ITGAL: variants seen among roughly 807,000 people sequenced by gnomAD.
ITGAL encodes integrin subunit alpha L, also known as integrin alpha-L.
A neutral mutation model predicts 138.4 loss-of-function variants in ITGAL; 68 were observed. That is an observed-to-expected ratio of 0.49 (90% CI 0.40 to 0.60). The LOEUF is 0.60. Among genes scored for constraint, ITGAL ranks in the 20% least tolerant of loss-of-function variants. The probability of loss-of-function intolerance (pLI) is 0.00; values close to 1 mark genes in which losing one functional copy is unlikely to be tolerated. For synonymous variants in ITGAL, 561 were observed against 584.3 expected (o/e 0.96, Z 0.57); for missense variants, 1,256 against 1,478.6 (o/e 0.85, Z 2.47).
At chr16:30,482,026 G>A (rs1013735350) in intron 7 of ITGAL, among the ~76,000 whole-genome samples, 1 of 152,032 alleles carries the variant, frequency 6.6e-6, no homozygotes, top group Non-Finnish European at 1.5e-5. Flanking sequence ...CAAGTAGCTG[G>A]GATTACAGAC....
chr16:30,518,484 C>A, intron 28 of ITGAL, 140 bp from the exon 29 acceptor site: 1 of 608,292 alleles, frequency 1.6e-6, no homozygotes, highest in Non-Finnish European at 2.9e-6. Context: ...AAGAATGCCA[C>A]AATAGAGAGT....
chr16:30,476,792 C>T (rs948142665), intron 4 of ITGAL, among the ~76,000 whole-genome samples: 10 of 152,038 alleles, frequency 6.6e-5, no homozygotes, highest in African/African-American at 2.2e-4. Flanking sequence ...GCCACCATGC[C>T]TTGGCTAATT....
intron 17 of ITGAL, among the ~76,000 whole-genome samples, chr16:30,499,731 A>T (rs1429574300): frequency 0.012 from 1,187 of 96,618 alleles, 37 homozygotes; most frequent in South Asian, 0.018. Flanking sequence ...ATATATATAT[A>T]TATTTTTTTT....
At position 30,494,412 on chromosome 16, in the gene ITGAL, C is replaced by T; in HGVS notation, c.1365+49C>T. ...GCAGACCAGGGACTGGCGGGACACA[C>T]ATCACACTCCCTTCTGTCCTTTGAA... On this transcript the variant is annotated intron_variant, in intron 12 of 30. Coordinates refer to ENST00000356798, the MANE Select transcript of ITGAL (RefSeq NM_002209.3). This position sits in a 1 kb window ranked among gnomAD's most constrained non-coding sequence, Gnocchi z 4.2. The T allele has an allele frequency of 6.5e-7, 1 of 1,539,370 alleles. No individual in the cohort carries two copies. The highest frequency in any genetic ancestry group is 8.8e-7 in the Non-Finnish European group (1 of 1,133,848).
At position 30,505,320 on chromosome 16, in the gene ITGAL, A is replaced by G; in HGVS notation, c.2292+20A>G. 1 of 1,613,188 alleles carries G rather than the reference A, an allele frequency of 6.2e-7. No homozygotes were observed. Among genetic ancestry groups the G allele is most frequent in the Non-Finnish European group, 8.5e-7 (1 of 1,179,416 alleles). ...TGGGAGGTAAGAGGGGAGAAGGGGCAGGCAGAGAGGCCTGGGAACAAGTCC... is the reference window on the plus strand; with the variant it reads ...TGGGAGGTAAGAGGGGAGAAGGGGCGGGCAGAGAGGCCTGGGAACAAGTCC... On this transcript the variant is annotated intron_variant, in intron 19 of 30. Transcript: ENST00000356798.
intron 11 of ITGAL, among the ~76,000 whole-genome samples, chr16:30,493,597 A>G (rs921857260): frequency 7.2e-5 from 11 of 152,030 alleles, no homozygotes; most frequent in African/African-American, 2.7e-4. Flanking sequence ...TTTATTATTT[A>G]AGAAAAAAGA....
At chr16:30,490,784 A>G (rs1454866287) in intron 11 of ITGAL, among the ~76,000 whole-genome samples, 1 of 152,062 alleles carries the variant, frequency 6.6e-6, no homozygotes, top group Non-Finnish European at 1.5e-5. Context: ...CCTGGCCAAC[A>G]TGGTGAAACC....
At chr16:30,480,450 G>C (rs2050536696) in intron 6 of ITGAL, 1 of 152,098 alleles carries the variant, frequency 6.6e-6, no homozygotes, top group African/African-American at 2.4e-5. Flanking sequence ...GGCTGGCGTA[G>C]CTTCAGTCAG....
At chr16:30,518,744 C>T in intron 29 of ITGAL, 25 bp downstream of exon 29, 1 of 1,543,264 alleles carries the variant, frequency 6.5e-7, no homozygotes, top group Non-Finnish European at 9.0e-7. Context: ...TTGGAAGCCC[C>T]AGGAACAGGC....
Position 30,499,217 on chromosome 16 carries a change from T to C in ITGAL, c.1976T>C (p.Leu659Pro), listed in dbSNP as rs1285198407. ...ACAATCTGTTTCCAGATCAAGTCTC[T>C]CATCCCCCAGTTCCAAGGTCAGAGC... ...NITICFQIKS[L>P]IPQFQGRLVA... is the part of the protein sequence containing the mutation. The change falls in exon 16 of 31, where the codon CTC (leucine) becomes CCC (proline). Residue 659 changes from leucine to proline, a missense_variant. Coordinates refer to ENST00000356798, the MANE Select transcript of ITGAL (RefSeq NM_002209.3). 1 of 1,614,054 alleles carries C rather than the reference T, an allele frequency of 6.2e-7. No homozygotes were observed. The highest frequency in any genetic ancestry group is 8.5e-7 in the Non-Finnish European group (1 of 1,180,040).
At chr16:30,503,442 T>A (rs899576593) in intron 17 of ITGAL, among the ~76,000 whole-genome samples, 3 of 28,468 alleles carry the variant, frequency 1.1e-4, no homozygotes, top group African/African-American at 3.7e-4. Flanking sequence ...TTTCATTTTC[T>A]TTTTTTTTTT....
chr16:30,482,137 C>T (rs2050570920), intron 7 of ITGAL, among the ~76,000 whole-genome samples: 1 of 152,070 alleles, frequency 6.6e-6, no homozygotes, highest in Admixed American at 6.6e-5. Context: ...TCAGGTGATC[C>T]ACCTGCCTCA....
At position 30,479,139 on chromosome 16, in the gene ITGAL, A is replaced by G; in HGVS notation, c.376A>G (p.Ser126Gly). 6.2e-7 allele frequency: 1 copy of G among 1,614,130 alleles called. No homozygotes were observed. Among genetic ancestry groups the G allele is most frequent in the African/African-American group, 1.3e-5 (1 of 75,034 alleles). The change falls in exon 5 of 31, where the codon AGT (serine) becomes GGT (glycine). Residue 126 changes from serine to glycine, a missense_variant. Coordinates refer to ENST00000356798, the MANE Select transcript of ITGAL (RefSeq NM_002209.3). ...AACGTGTGACCAGAACACCTATCTGAGTGGCCTGTGTTACCTCTTCCGCCA... is the reference window on the plus strand; with the variant it reads ...AACGTGTGACCAGAACACCTATCTGGGTGGCCTGTGTTACCTCTTCCGCCA... The part of the protein sequence containing the change: ...SRTCDQNTYL[S>G]GLCYLFRQNL...
At position 30,481,603 on chromosome 16, in the gene ITGAL, G is replaced by T. The variant is rs756707999; in HGVS notation, c.722+19G>T. The T allele has an allele frequency of 6.2e-7, 1 of 1,612,522 alleles. No individual in the cohort carries two copies. Among genetic ancestry groups the T allele is most frequent in the African/African-American group, 1.3e-5 (1 of 74,872 alleles). On this transcript the variant is annotated intron_variant, in intron 7 of 30. Transcript: ENST00000356798. ...ATGTCGCGTGAGTTCCCTTTTGCAGGAGAGCACGTGTCCTGTGATTTGTTC... is the reference window on the plus strand; with the variant it reads ...ATGTCGCGTGAGTTCCCTTTTGCAGTAGAGCACGTGTCCTGTGATTTGTTC...
At chr16:30,486,595 A>T (rs2050650102) in intron 9 of ITGAL, among the ~76,000 whole-genome samples, 1 of 152,152 alleles carries the variant, frequency 6.6e-6, no homozygotes, top group Admixed American at 6.6e-5. Context: ...AGAAAGGTGG[A>T]ATGAGGGCAG....
At chr16:30,520,424 G>A (rs1392638027) in intron 30 of ITGAL, among the ~76,000 whole-genome samples, 2 of 152,064 alleles carry the variant, frequency 1.3e-5, no homozygotes, top group African/African-American at 4.8e-5. Flanking sequence ...GACAGAGCAA[G>A]ACCTTGTCTC....
rs2050521250 is a variant in ITGAL, at chr16:30,479,363, C to T, written c.478C>T (p.Leu160=). 6.2e-7 allele frequency: 1 copy of T among 1,614,008 alleles called. No individual in the cohort carries two copies. Among genetic ancestry groups the T allele is most frequent in the Non-Finnish European group, 8.5e-7 (1 of 1,180,040 alleles). The change falls in exon 6 of 31, where the codon CTG becomes TTG. Residue 160 remains leucine, a synonymous_variant. Transcript: ENST00000356798. ...CIKGNVDLVF[L]FDGSMSLQPD... ...CAAGGGCAACGTAGACCTGGTATTT[C>T]TGTTTGATGGTTCGATGAGCTTGCA...
rs1172553306 is a variant in ITGAL, at chr16:30,479,359, A to G, written c.474A>G (p.Val158=). ...QECIKGNVDL[V]FLFDGSMSLQ... Reference sequence around the variant, plus strand: ...GTATCAAGGGCAACGTAGACCTGGTATTTCTGTTTGATGGTTCGATGAGCT... The same window carrying G: ...GTATCAAGGGCAACGTAGACCTGGTGTTTCTGTTTGATGGTTCGATGAGCT... Residue 158 remains valine, a synonymous_variant, in exon 6 of 31, where the codon GTA becomes GTG. Coordinates refer to ENST00000356798, the MANE Select transcript of ITGAL (RefSeq NM_002209.3). The G allele has an allele frequency of 6.2e-7, 1 of 1,613,966 alleles. No homozygotes were observed. The highest frequency in any genetic ancestry group is 1.3e-5 in the African/African-American group (1 of 74,904).
Position 30,510,921 on chromosome 16 carries a change from C to T in ITGAL, c.2660C>T (p.Ser887Phe). ...QMMFNTLVNS[S>F]WGDSVELHAN... ...ATGTTTAATACACTGGTAAACAGCT[C>T]CTGGGGGGACTCGGTTGAATTGCAC... The change falls in exon 23 of 31, where the codon TCC becomes TTC. Residue 887 changes from serine to phenylalanine, a missense_variant. Physicochemically the swap from Ser to Phe is radical, Grantham distance 155 (BLOSUM62 -2). This residue lies in a region of ITGAL where 867 missense variants were observed against 972.5 expected (regional missense o/e 0.89). Coordinates refer to ENST00000356798, the MANE Select transcript of ITGAL (RefSeq NM_002209.3). 1 of 1,614,062 alleles carries T rather than the reference C, an allele frequency of 6.2e-7. No homozygotes were observed. Among genetic ancestry groups the T allele is most frequent in the East Asian group, 2.2e-5 (1 of 44,868 alleles).
Sources: allele counts gnomAD v4.1 joint callset (sites outside exome capture counted in the v4.1 genomes callset), GRCh38; gene constraint gnomAD v4.1.1; regional missense constraint gnomAD v4.1.1; non-coding constraint Gnocchi (gnomAD v3.1); transcripts MANE v1.5; gene names NCBI Gene and HGNC (gene_info 2026-07-23, HGNC 2026-07-21).